BICRAL: variants seen among roughly 807,000 people sequenced by gnomAD.
BICRAL encodes BICRA like chromatin remodeling complex associated protein.
BICRAL carries 8 observed loss-of-function variants against 91.8 expected under a neutral mutation model. That is an observed-to-expected ratio of 0.09 (90% CI 0.05 to 0.16). BICRAL has a LOEUF of 0.16. Ranked by LOEUF, BICRAL falls within the 10% of genes least tolerant of loss-of-function variation. BICRAL has a pLI of 1.00. For synonymous variants in BICRAL, 445 were observed against 491.1 expected (o/e 0.91, Z 1.24); for missense variants, 1,038 against 1,310.9 (o/e 0.79, Z 3.21).
At chr6:42,752,475 G>GTC (rs976442131) in intron 1 of BICRAL, among the ~76,000 whole-genome samples, 14 of 152,006 alleles carry the variant, frequency 9.2e-5, no homozygotes, top group African/African-American at 2.4e-4. Context: ...CTGAGACTGG[G>GTC]TCTCTCTCTC....
At chr6:42,785,473 A>G (rs1043679024) in intron 1 of BICRAL, among the ~76,000 whole-genome samples, 1 of 151,722 alleles carries the variant, frequency 6.6e-6, no homozygotes, top group Admixed American at 6.6e-5. Context: ...AGGCGAGAGA[A>G]TCACTTGAAC....
At chr6:42,841,923 C>T (rs886546675) in intron 6 of BICRAL, among the ~76,000 whole-genome samples, 1 of 152,170 alleles carries the variant, frequency 6.6e-6, no homozygotes, top group Non-Finnish European at 1.5e-5. Flanking sequence ...TCCTTTTCTA[C>T]ATCCATACCC....
At chr6:42,789,660 T>C (rs1417768103) in intron 1 of BICRAL, among the ~76,000 whole-genome samples, 1 of 148,068 alleles carries the variant, frequency 6.8e-6, no homozygotes, top group South Asian at 2.1e-4. Flanking sequence ...AAAAAAAGAA[T>C]GAACACTTAA....
intron 1 of BICRAL, among the ~76,000 whole-genome samples, chr6:42,763,225 A>G (rs1302773019): frequency 6.6e-6 from 1 of 152,218 alleles, no homozygotes; most frequent in African/African-American, 2.4e-5. Context: ...TAATCATTTG[A>G]AGCAAGAACA....
chr6:42,756,647 T>C (rs896350993), intron 1 of BICRAL, among the ~76,000 whole-genome samples: 8 of 152,084 alleles, frequency 5.3e-5, no homozygotes, highest in South Asian at 4.2e-4. Flanking sequence ...TTTTTTTTTT[T>C]CTATACGTAA....
Position 42,800,663 on chromosome 6 carries a change from C to T in BICRAL, c.-101-9643C>T, listed in dbSNP as rs904957185. On this transcript the variant is annotated intron_variant, in intron 1 of 12. Transcript: ENST00000314073. ...CTCCTGGGTTCAAGAGATTCTTGTG[C>T]CTCAGCCTCCTGAGTAGCTGGGACT... Among the ~76,000 whole-genome samples, 6 of 151,846 alleles carry T rather than the reference C, an allele frequency of 4.0e-5. No individual in the cohort carries two copies. The East Asian group carries it at 1.2e-3, about 29-fold the overall frequency.
intron 5 of BICRAL, among the ~76,000 whole-genome samples, chr6:42,827,812 G>T (rs892031800): frequency 6.6e-6 from 1 of 152,100 alleles, no homozygotes; most frequent in Non-Finnish European, 1.5e-5. Context: ...ATGAACCCAG[G>T]AGTTCACAGC....
chr6:42,760,840 G>A (rs1762532510), intron 1 of BICRAL, among the ~76,000 whole-genome samples: 1 of 152,288 alleles, frequency 6.6e-6, no homozygotes, highest in South Asian at 2.1e-4. Flanking sequence ...TAGCCAACAT[G>A]GCGAAACCCG....
rs1478838495 is a variant in BICRAL, at chr6:42,866,871, CCT to C, written c.*1429_*1430del. On this transcript the variant is annotated 3_prime_UTR_variant, in exon 13 of 13. Coordinates refer to ENST00000314073, the MANE Select transcript of BICRAL (RefSeq NM_001393499.1). ...ATGTCATTGTAACCATCACTTATCTCCTCTCATTGGGAAAGCTACATGATAGT... is the reference window on the plus strand; with the variant it reads ...ATGTCATTGTAACCATCACTTATCTCCTCATTGGGAAAGCTACATGATAGT... The C allele has an allele frequency of 2.2e-6, 1 of 456,146 alleles. No individual in the cohort carries two copies. The highest frequency in any genetic ancestry group is 2.3e-5 in the Admixed American group (1 of 42,554). 28.3% of individuals were successfully genotyped at this position (456,146 alleles called of 1,614,324 possible). A position where few individuals can be genotyped will look rare whatever the true frequency, so the allele number is the denominator to read the frequency against.
intron 6 of BICRAL, among the ~76,000 whole-genome samples, chr6:42,844,889 A>C (rs1382430631): frequency 6.6e-6 from 1 of 152,166 alleles, no homozygotes; most frequent in Non-Finnish European, 1.5e-5. Flanking sequence ...TTCTTTGTAG[A>C]CAGAGGAGGG....
chr6:42,848,624 G>A (rs988778086), intron 6 of BICRAL, among the ~76,000 whole-genome samples: 18 of 152,168 alleles, frequency 1.2e-4, no homozygotes, highest in Non-Finnish European at 2.5e-4. Context: ...CAGGTGGATT[G>A]CTTGAGCTCA....
At chr6:42,758,390 T>C (rs895978431) in intron 1 of BICRAL, among the ~76,000 whole-genome samples, 4 of 152,186 alleles carry the variant, frequency 2.6e-5, no homozygotes, top group South Asian at 4.1e-4. Context: ...ACCAGCCTCA[T>C]GTCCCACCAG....
intron 5 of BICRAL, among the ~76,000 whole-genome samples, chr6:42,826,600 C>T (rs1036897834): frequency 2.0e-5 from 3 of 151,992 alleles, no homozygotes; most frequent in African/African-American, 7.3e-5. Flanking sequence ...GAGTGTCCTG[C>T]CTGGAGACTA....
At chr6:42,808,563 T>C (rs1007681222) in intron 1 of BICRAL, among the ~76,000 whole-genome samples, 2 of 152,214 alleles carry the variant, frequency 1.3e-5, no homozygotes, top group Non-Finnish European at 2.9e-5. Flanking sequence ...CATTCCTTTA[T>C]AATAGATGAC....
chr6:42,793,295 A>ATTTTTTTTTTT, intron 1 of BICRAL, among the ~76,000 whole-genome samples: 3 of 34,386 alleles, frequency 8.7e-5, no homozygotes, highest in Non-Finnish European at 1.0e-4. Flanking sequence ...AGACCCAGCT[A>ATTTTTTTTTTT]ATTTTTTTTT....
chr6:42,778,945 G>A (rs1762840059), upstream of BICRAL, among the ~76,000 whole-genome samples: 1 of 151,870 alleles, frequency 6.6e-6, no homozygotes, highest in Non-Finnish European at 1.5e-5. Flanking sequence ...AGCCTCCTGA[G>A]TAGTTGGGAT....
chr6:42,806,040 G>A (rs1447919176), intron 1 of BICRAL, among the ~76,000 whole-genome samples: 3 of 151,546 alleles, frequency 2.0e-5, no homozygotes, highest in African/African-American at 7.3e-5. Flanking sequence ...GCAATTATTT[G>A]GTGGGAAAGA....
chr6:42,748,092 CTG>C (rs900538735), intron 1 of BICRAL, among the ~76,000 whole-genome samples: 1 of 147,266 alleles, frequency 6.8e-6, no homozygotes, highest in African/African-American at 2.5e-5. Flanking sequence ...GCATGAGCCA[CTG>C]TGCCTGGCCC....
chr6:42,808,053 A>G (rs1357937639), intron 1 of BICRAL, among the ~76,000 whole-genome samples: 3 of 151,910 alleles, frequency 2.0e-5, no homozygotes, highest in Non-Finnish European at 2.9e-5. Context: ...TATTTATTAT[A>G]CCCACTTATG....
Sources: gnomAD v4.1 joint callset for allele counts (sites outside exome capture counted in the v4.1 genomes callset) on GRCh38, gnomAD v4.1.1 for gene constraint, MANE v1.5 for transcripts, NCBI Gene and HGNC (gene_info 2026-07-23, HGNC 2026-07-21) for gene names.